The following C12orf42 variants were observed in gnomAD, a reference collection of about 807,000 sequenced individuals.
C12orf42 encodes chromosome 12 open reading frame 42, also known as uncharacterized protein C12orf42.
C12orf42 carries 25 observed loss-of-function variants against 21.6 expected under a neutral mutation model. The ratio of observed to expected loss-of-function variants is 1.16; its 90% CI spans 0.84 to 1.62. C12orf42 has a LOEUF of 1.62. C12orf42 is among the 40% of genes most tolerant of loss of function. The probability of loss-of-function intolerance (pLI) is 0.00; values close to 1 mark genes in which losing one functional copy is unlikely to be tolerated. For missense variants in C12orf42, 483 were observed against 459.3 expected (o/e 1.05, Z -0.47); for synonymous variants, 174 against 175.0 (o/e 0.99, Z 0.05).
chr12:103,123,224 G>A, the C12orf42 span, among the ~76,000 whole-genome samples: 3 of 152,286 alleles, frequency 2.0e-5, no homozygotes, highest in South Asian at 6.2e-4. Flanking sequence ...CTAGAGTGAA[G>A]AGGTTACCTA....
chr12:103,478,860 T>C (rs540220721), intron 1 of C12orf42, among the ~76,000 whole-genome samples: 1 of 152,296 alleles, frequency 6.6e-6, no homozygotes, highest in East Asian at 1.9e-4. Flanking sequence ...CAATTTAATT[T>C]TATACATTGT....
chr12:103,539,294 T>C, the C12orf42 span, among the ~76,000 whole-genome samples: 1 of 151,634 alleles, frequency 6.6e-6, no homozygotes, highest in African/African-American at 2.4e-5. Flanking sequence ...CATGTGTGTA[T>C]GTGTGTGTGT....
At chr12:103,344,973 T>C (rs955719619) in intron 4 of C12orf42, among the ~76,000 whole-genome samples, 2 of 152,218 alleles carry the variant, frequency 1.3e-5, no homozygotes, top group Non-Finnish European at 2.9e-5. Context: ...GGTCCCATGA[T>C]GGCAGTACAA....
intron 4 of C12orf42, among the ~76,000 whole-genome samples, chr12:103,295,435 C>T (rs2037198617): frequency 1.3e-5 from 2 of 151,532 alleles, no homozygotes; most frequent in South Asian, 4.1e-4. Context: ...TAACATATAA[C>T]TTGCTTTGAA....
At chr12:103,137,417 T>C in the C12orf42 span, among the ~76,000 whole-genome samples, 1 of 149,756 alleles carries the variant, frequency 6.7e-6, no homozygotes, top group Non-Finnish European at 1.5e-5. Context: ...AGAGTGTTGA[T>C]GGGAATGTAA....
chr12:103,225,580 G>T, the C12orf42 span, among the ~76,000 whole-genome samples: 112 of 152,180 alleles, frequency 7.4e-4, 1 homozygote, highest in African/African-American at 2.6e-3. Context: ...GGGAAGAAGG[G>T]CGGCAATGAG....
chr12:103,177,753 T>C, the C12orf42 span, among the ~76,000 whole-genome samples: 3 of 152,192 alleles, frequency 2.0e-5, no homozygotes, highest in Non-Finnish European at 2.9e-5. Context: ...TCTCCGATGC[T>C]GCTTTTGTGT....
chr12:103,396,916 G>C lies in C12orf42; in HGVS notation c.147+4691C>G, dbSNP rs1434376476. Among the ~76,000 whole-genome samples the C allele has an allele frequency of 9.2e-5, 14 of 152,180 alleles. 1 individual carries two copies. The highest frequency in any genetic ancestry group is 9.2e-4 in the Admixed American group (14 of 15,282). On this transcript the variant is annotated intron_variant, in intron 3 of 5. Coordinates refer to ENST00000548883, the MANE Select transcript of C12orf42 (RefSeq NM_198521.5). Reference sequence around the variant, plus strand: ...AAATTGAAGCCCATTGGAAGTCTGTGAGCAGAAGAATATGATCTGTTTATA... The same window carrying C: ...AAATTGAAGCCCATTGGAAGTCTGTCAGCAGAAGAATATGATCTGTTTATA...
downstream of C12orf42, among the ~76,000 whole-genome samples, chr12:103,297,158 T>G (rs2037347195): frequency 6.6e-6 from 1 of 152,202 alleles, no homozygotes; most frequent in African/African-American, 2.4e-5. Flanking sequence ...TTGTCAAAGA[T>G]CAGATGGCTG....
At chr12:103,278,083 A>G (rs2035883031) in intron 4 of C12orf42, among the ~76,000 whole-genome samples, 1 of 152,236 alleles carries the variant, frequency 6.6e-6, no homozygotes, top group Non-Finnish European at 1.5e-5. Flanking sequence ...TTTCATCAAG[A>G]TATTTATTGA....
At chr12:103,252,564 A>G (rs532924670) in intron 10 of C12orf42, among the ~76,000 whole-genome samples, 1 of 152,086 alleles carries the variant, frequency 6.6e-6, no homozygotes, top group African/African-American at 2.4e-5. Context: ...GCTGTTTTTC[A>G]TATGTTTGTT....
the C12orf42 span, among the ~76,000 whole-genome samples, chr12:103,539,868 C>T: frequency 1.7e-3 from 254 of 151,894 alleles, no homozygotes; most frequent in South Asian, 4.1e-3. Context: ...CATGAGCCAA[C>T]GCGCTTGGCC....
At chr12:103,288,857 T>A (rs2036627533) in intron 4 of C12orf42, among the ~76,000 whole-genome samples, 1 of 152,138 alleles carries the variant, frequency 6.6e-6, no homozygotes, top group Admixed American at 6.6e-5. Context: ...CTTTGCCAGA[T>A]TCTAGAAATT....
At chr12:103,291,511 AC>A (rs2036822075) in intron 4 of C12orf42, among the ~76,000 whole-genome samples, 1 of 152,178 alleles carries the variant, frequency 6.6e-6, no homozygotes, top group Non-Finnish European at 1.5e-5. Flanking sequence ...GAGCAGGGCT[AC>A]CCCATAGGCA....
At chr12:103,329,436 G>T (rs1023964863) in intron 4 of C12orf42, among the ~76,000 whole-genome samples, 1 of 151,946 alleles carries the variant, frequency 6.6e-6, no homozygotes, top group African/African-American at 2.4e-5. Context: ...TGCATGTGGG[G>T]CTTAAAACCT....
At chr12:103,446,635 T>G (rs1046347599) in intron 2 of C12orf42, among the ~76,000 whole-genome samples, 2 of 151,810 alleles carry the variant, frequency 1.3e-5, no homozygotes, top group Non-Finnish European at 1.5e-5. Context: ...ACATAAGGAC[T>G]CACATAAACT....
At chr12:103,172,705 C>T in the C12orf42 span, among the ~76,000 whole-genome samples, 2 of 152,066 alleles carry the variant, frequency 1.3e-5, no homozygotes, top group Admixed American at 1.3e-4. Context: ...TTTTATTGGC[C>T]TATTTCAAGG....
At chr12:103,170,658 C>T in the C12orf42 span, among the ~76,000 whole-genome samples, 1 of 152,112 alleles carries the variant, frequency 6.6e-6, no homozygotes, top group African/African-American at 2.4e-5. Flanking sequence ...TGATCTTCAA[C>T]AAGTTTCTGC....
At chr12:103,330,403 G>A (rs965102429) in intron 4 of C12orf42, among the ~76,000 whole-genome samples, 7 of 152,064 alleles carry the variant, frequency 4.6e-5, no homozygotes, top group Admixed American at 2.0e-4. Context: ...TACTCCCAGC[G>A]GTACATACGG....
Sources: gnomAD v4.1 joint callset for allele counts (sites outside exome capture counted in the v4.1 genomes callset) on GRCh38, gnomAD v4.1.1 for gene constraint, MANE v1.5 for transcripts, NCBI Gene and HGNC (gene_info 2026-07-23, HGNC 2026-07-21) for gene names.